NEGR1: variants seen among roughly 807,000 people sequenced by gnomAD.
The protein encoded by NEGR1 is neuronal growth regulator 1.
NEGR1 carries 10 observed loss-of-function variants against 40.9 expected under a neutral mutation model. The observed-to-expected ratio is 0.24, with a 90% CI of 0.15 to 0.42. NEGR1 has a LOEUF of 0.42. Among genes scored for constraint, NEGR1 ranks in the 10% least tolerant of loss-of-function variants. NEGR1 has a pLI of 1.00. For synonymous variants in NEGR1, 185 were observed against 166.8 expected (o/e 1.11, Z -0.84); for missense variants, 352 against 438.9 (o/e 0.80, Z 1.77).
chr1:71,428,451 C>T (rs1365062317), intron 6 of NEGR1, among the ~76,000 whole-genome samples: 1 of 152,080 alleles, frequency 6.6e-6, no homozygotes, highest in African/African-American at 2.4e-5. Flanking sequence ...AGTATAAGCC[C>T]TAATAAATTC....
chr1:71,841,579 A>G (rs1659241233), intron 2 of NEGR1, among the ~76,000 whole-genome samples: 1 of 152,134 alleles, frequency 6.6e-6, no homozygotes, highest in Non-Finnish European at 1.5e-5. Flanking sequence ...TGTCAGTATA[A>G]TGTGGTGGTT....
intron 1 of NEGR1, among the ~76,000 whole-genome samples, chr1:72,222,375 C>T (rs1313867716): frequency 6.6e-6 from 1 of 152,130 alleles, no homozygotes; most frequent in African/African-American, 2.4e-5. Context: ...AAGGGCTTTC[C>T]CAAACAAGCC....
At chr1:71,733,072 C>CTT (rs1157020972) in intron 3 of NEGR1, among the ~76,000 whole-genome samples, 9,001 of 140,386 alleles carry the variant, frequency 0.064, 576 homozygotes, top group African/African-American at 0.17. Context: ...CAGGATAGCT[C>CTT]TTTTTTTTTT....
intron 2 of NEGR1, among the ~76,000 whole-genome samples, chr1:71,860,662 A>C (rs1659918806): frequency 6.6e-6 from 1 of 152,064 alleles, no homozygotes; most frequent in African/African-American, 2.4e-5. Context: ...GGGCTGATAA[A>C]TACTAAAAGC....
At chr1:71,569,635 G>A (rs1648747163) in intron 6 of NEGR1, among the ~76,000 whole-genome samples, 1 of 152,062 alleles carries the variant, frequency 6.6e-6, no homozygotes, top group South Asian at 2.1e-4. Context: ...GTTTTGTTGG[G>A]GTTACACATG....
At chr1:72,156,324 G>A (rs974038213) in intron 1 of NEGR1, among the ~76,000 whole-genome samples, 2 of 151,904 alleles carry the variant, frequency 1.3e-5, no homozygotes, top group African/African-American at 4.8e-5. Flanking sequence ...TTGGGGCTTG[G>A]GAGTCAACAA....
chr1:71,494,147 A>C (rs988628362), intron 6 of NEGR1, among the ~76,000 whole-genome samples: 2 of 152,104 alleles, frequency 1.3e-5, no homozygotes, highest in Non-Finnish European at 2.9e-5. Context: ...GAATCCTTTC[A>C]TTTGCTAGTG....
At chr1:71,681,764 C>G (rs1302271941) in intron 4 of NEGR1, among the ~76,000 whole-genome samples, 1 of 152,050 alleles carries the variant, frequency 6.6e-6, no homozygotes, top group African/African-American at 2.4e-5. Flanking sequence ...GACATTTACA[C>G]TCTATTCTTT....
intron 1 of NEGR1, among the ~76,000 whole-genome samples, chr1:72,280,862 C>A (rs1656217962): frequency 6.6e-6 from 1 of 152,054 alleles, no homozygotes; most frequent in South Asian, 2.1e-4. Context: ...TGATGTTGTG[C>A]AAGCCAGACT....
In NEGR1 at chr1:71,909,631, T is replaced by C. The variant is rs1661369625; in HGVS notation, c.409+25448A>G. Among the ~76,000 whole-genome samples, 3 of 152,332 alleles carry C rather than the reference T, an allele frequency of 2.0e-5. No individual in the cohort carries two copies. In the South Asian group the frequency reaches 6.2e-4, roughly 32 times the overall value. On this transcript the variant is annotated intron_variant, in intron 2 of 6. Coordinates refer to ENST00000357731, the MANE Select transcript of NEGR1 (RefSeq NM_173808.3). ...TAAAAGAGTAATGAATTGTCAGTTT[T>C]AACTGGAAAGGGGTTTTTATGTGAT...
At chr1:71,578,594 T>C (rs1356689711) in intron 6 of NEGR1, among the ~76,000 whole-genome samples, 1 of 152,132 alleles carries the variant, frequency 6.6e-6, no homozygotes, top group Non-Finnish European at 1.5e-5. Context: ...TTTAACGGTA[T>C]TACTTTACTC....
chr1:71,901,115 T>C (rs1420364235), intron 2 of NEGR1, among the ~76,000 whole-genome samples: 1 of 152,194 alleles, frequency 6.6e-6, no homozygotes, highest in Admixed American at 6.5e-5. Context: ...TTTGTTGAAG[T>C]GTCAATGAAG....
At chr1:72,217,862 A>G (rs1653875811) in intron 1 of NEGR1, among the ~76,000 whole-genome samples, 1 of 151,840 alleles carries the variant, frequency 6.6e-6, no homozygotes, top group African/African-American at 2.4e-5. Flanking sequence ...AAGTACATAT[A>G]ATAAGAAAAG....
chr1:72,264,898 A>G (rs900063179), intron 1 of NEGR1, among the ~76,000 whole-genome samples: 5 of 150,760 alleles, frequency 3.3e-5, no homozygotes, highest in Admixed American at 3.3e-4. Flanking sequence ...ACAGATGGAA[A>G]ACACATTAAC....
intron 3 of NEGR1, among the ~76,000 whole-genome samples, chr1:71,745,371 C>T (rs1192167257): frequency 1.3e-5 from 2 of 152,070 alleles, no homozygotes; most frequent in African/African-American, 4.8e-5. Flanking sequence ...CAAACAAAAA[C>T]CCTGAGTTTT....
At chr1:71,894,975 C>G (rs749865458) in intron 2 of NEGR1, among the ~76,000 whole-genome samples, 5 of 151,974 alleles carry the variant, frequency 3.3e-5, no homozygotes, top group Non-Finnish European at 7.4e-5. Flanking sequence ...ATGAAATAAT[C>G]TATACACAAT....
intron 3 of NEGR1, among the ~76,000 whole-genome samples, chr1:71,714,033 T>C (rs946026963): frequency 6.6e-6 from 1 of 152,020 alleles, no homozygotes; most frequent in Non-Finnish European, 1.5e-5. Flanking sequence ...ATGAAAAAAA[T>C]ACCAGAGACT....
chr1:71,795,247 G>T (rs1437068531), intron 2 of NEGR1, among the ~76,000 whole-genome samples: 1 of 151,920 alleles, frequency 6.6e-6, no homozygotes, highest in Non-Finnish European at 1.5e-5. Flanking sequence ...AAATTGTAGA[G>T]ATTTGAAAGT....
intron 2 of NEGR1, among the ~76,000 whole-genome samples, chr1:71,894,515 C>T (rs1313587258): frequency 6.6e-6 from 1 of 152,184 alleles, no homozygotes; most frequent in Non-Finnish European, 1.5e-5. Flanking sequence ...CACTGAGATA[C>T]ATGTGTTATT....
Sources: gnomAD v4.1 joint callset for allele counts (sites outside exome capture counted in the v4.1 genomes callset) on GRCh38, gnomAD v4.1.1 for gene constraint, MANE v1.5 for transcripts, NCBI Gene and HGNC (gene_info 2026-07-23, HGNC 2026-07-21) for gene names.